Variants in MYO1E observed in about 807,000 individuals in gnomAD.
MYO1E encodes unconventional myosin-Ie.
MYO1E carries 68 observed loss-of-function variants against 151.1 expected under a neutral mutation model. The ratio of observed to expected loss-of-function variants is 0.45; its 90% CI spans 0.37 to 0.55. MYO1E has a LOEUF of 0.55. Ranked by LOEUF, MYO1E falls within the 20% of genes least tolerant of loss-of-function variation. The probability of loss-of-function intolerance (pLI) is 0.00; values close to 1 mark genes in which losing one functional copy is unlikely to be tolerated. For missense variants in MYO1E, 1,363 were observed against 1,389.3 expected, an observed-to-expected ratio of 0.98 and a Z score of 0.30; for synonymous variants, 601 against 501.7, an observed-to-expected ratio of 1.20 and a Z score of -2.64.
rs879179146 is a variant in MYO1E, at chr15:59,136,865, C to T, written c.*515G>A. ...TCAGCAGGCCAGCTTACCCTTGGCA[C>T]GTACATGGGAAGTGCCTGCTCACGC... is the stretch of plus-strand genomic sequence containing the variant. On this transcript the variant is annotated 3_prime_UTR_variant, in exon 28 of 28. Coordinates refer to ENST00000288235, the MANE Select transcript of MYO1E (RefSeq NM_004998.4). 1.6e-5 allele frequency: 7 copies of T among 429,894 alleles called. No homozygotes were observed. Among genetic ancestry groups the T allele is most frequent in the Non-Finnish European group, 2.8e-5 (6 of 212,668 alleles). The allele number at this position is 429,894 out of a possible 1,614,324, so 26.6% of individuals were successfully genotyped here.
Position 59,178,535 on chromosome 15 carries a change from T to C in MYO1E, c.1907A>G (p.Tyr636Cys). 3 of 1,614,120 alleles carry C rather than the reference T, an allele frequency of 1.9e-6. No individual in the cohort carries two copies. Among genetic ancestry groups the C allele is most frequent in the Non-Finnish European group, 2.5e-6 (3 of 1,179,998 alleles). Residue 636 changes from tyrosine (Y) to cysteine (C), a missense_variant and splice_region_variant, in exon 19 of 28, where the codon TAT (tyrosine) becomes TGT (cysteine). Tyr to Cys is a radical substitution (Grantham distance 194). Coordinates refer to ENST00000288235, the MANE Select transcript of MYO1E (RefSeq NM_004998.4). Reference protein sequence around the residue: ...RRIFQKFLQRYAILTKATWPS... With the variant: ...RRIFQKFLQRCAILTKATWPS... ...CCAGGTGGCTTTGGTCAGAATGGCA[T>C]ACCTGTGGGGACATTGGGGAGAAGA...
At chr15:59,288,468 T>C (rs975588366) in intron 1 of MYO1E, among the ~76,000 whole-genome samples, 23 of 152,208 alleles carry the variant, frequency 1.5e-4, no homozygotes, top group Non-Finnish European at 2.9e-4. Flanking sequence ...TGAGCTGTCA[T>C]ACCCAGCCCC....
At chr15:59,341,533 CCTATCT>C (rs2080765906) in intron 1 of MYO1E, 1 of 152,148 alleles carries the variant, frequency 6.6e-6, no homozygotes, top group Non-Finnish European at 1.5e-5. Context: ...CATTCTATTC[CCTATCT>C]CTATGAGTTC....
chr15:59,155,198 C>T (rs185205373), intron 25 of MYO1E, among the ~76,000 whole-genome samples: 2 of 152,324 alleles, frequency 1.3e-5, no homozygotes, highest in African/African-American at 4.8e-5. Flanking sequence ...CCACATGCTG[C>T]TCGAGATCCC....
intron 16 of MYO1E, among the ~76,000 whole-genome samples, chr15:59,197,830 C>G (rs2079777163): frequency 6.6e-6 from 1 of 152,188 alleles, no homozygotes; most frequent in Non-Finnish European, 1.5e-5. Flanking sequence ...CAAAATTATC[C>G]TGTATTTCAA....
chr15:59,191,791 G>T (rs1301725082), intron 17 of MYO1E, among the ~76,000 whole-genome samples: 2 of 152,182 alleles, frequency 1.3e-5, no homozygotes, highest in East Asian at 3.9e-4. Flanking sequence ...CACCTCCTCA[G>T]TAGTCGTTGA....
intron 1 of MYO1E, among the ~76,000 whole-genome samples, chr15:59,319,615 CAG>C (rs1285113787): frequency 7.4e-6 from 1 of 135,738 alleles, no homozygotes; most frequent in African/African-American, 2.8e-5. Flanking sequence ...TAAAAAACCC[CAG>C]AGACAGCCAG....
At chr15:59,372,129 C>T (rs2080949532) in intron 1 of MYO1E, among the ~76,000 whole-genome samples, 1 of 151,224 alleles carries the variant, frequency 6.6e-6, no homozygotes, top group Admixed American at 6.6e-5. Context: ...AGTCTCCGAG[C>T]ACCTCCCCTG....
chr15:59,186,971 T>A (rs1327200258), intron 18 of MYO1E, among the ~76,000 whole-genome samples: 1 of 152,208 alleles, frequency 6.6e-6, no homozygotes, highest in Non-Finnish European at 1.5e-5. Flanking sequence ...AAGGGATATA[T>A]AAAAATAAGT....
intron 1 of MYO1E, among the ~76,000 whole-genome samples, chr15:59,328,083 G>A (rs1434864452): frequency 6.6e-6 from 1 of 152,180 alleles, no homozygotes; most frequent in Non-Finnish European, 1.5e-5. Flanking sequence ...GCTCCATGGT[G>A]GGGGGGTTCC....
At chr15:59,178,256 G>T in intron 19 of MYO1E, 137 bp downstream of exon 19, 1 of 1,087,542 alleles carries the variant, frequency 9.2e-7, no homozygotes, top group Non-Finnish European at 1.3e-6. Context: ...ACCAGGAAGG[G>T]AGGGAAGGCT....
Position 59,137,078 on chromosome 15 carries a change from G to A in MYO1E, c.*302C>T. ...GTGCTGTTTTGATAGAAGCCTACAAGGTCTGAGCAGACCTCACTTGTCCTC... is the reference window on the plus strand; with the variant it reads ...GTGCTGTTTTGATAGAAGCCTACAAAGTCTGAGCAGACCTCACTTGTCCTC... On this transcript the variant is annotated 3_prime_UTR_variant, in exon 28 of 28. Coordinates refer to ENST00000288235, the MANE Select transcript of MYO1E (RefSeq NM_004998.4). 2.3e-6 allele frequency: 1 copy of A among 438,032 alleles called. No homozygotes were observed. The highest frequency in any genetic ancestry group is 4.3e-6 in the Non-Finnish European group (1 of 233,602). 27.1% of individuals were successfully genotyped at this position (438,032 alleles called of 1,614,324 possible).
chr15:59,206,078 CAACTT>C (rs1321244613), intron 14 of MYO1E, among the ~76,000 whole-genome samples: 3 of 152,024 alleles, frequency 2.0e-5, no homozygotes, highest in African/African-American at 7.3e-5. Flanking sequence ...ACCACGACCT[CAACTT>C]AACTTTTTTA....
rs1178311263 is a variant in MYO1E at position 59,217,899 on chromosome 15, A to G, written c.1099T>C (p.Leu367=). ...KALHARVFDF[L]VDSINKAMEK... ...CAACTTCTGTTACTTACATCTACCA[A>G]GAAATCAAAGACCCGGGCGTGCAGG... The change falls in exon 10 of 28, where the codon TTG becomes CTG. Residue 367 remains leucine (L), a synonymous_variant. Transcript: ENST00000288235. 1.9e-6 allele frequency: 3 copies of G among 1,614,024 alleles called. No homozygotes were observed. Among genetic ancestry groups the G allele is most frequent in the African/African-American group, 2.7e-5 (2 of 74,922 alleles).
At chr15:59,303,653 C>T (rs2080496931) in intron 1 of MYO1E, among the ~76,000 whole-genome samples, 2 of 152,106 alleles carry the variant, frequency 1.3e-5, no homozygotes, top group African/African-American at 4.8e-5. Context: ...CAGCATAATC[C>T]CACAGCGAGA....
chr15:59,275,608 G>A (rs988275689), intron 1 of MYO1E, among the ~76,000 whole-genome samples: 2 of 152,138 alleles, frequency 1.3e-5, no homozygotes, highest in Non-Finnish European at 2.9e-5. Context: ...TCCTCACTAT[G>A]CATTTATTCT....
rs202099657 is a variant in MYO1E at position 59,332,751 on chromosome 15, T to TCA, written c.3+39745_3+39746dup. Among the ~76,000 whole-genome samples the TCA allele has an allele frequency of 2.8e-3, 431 of 152,190 alleles. 2 individuals are homozygous for TCA. The highest frequency in any genetic ancestry group is 1.0e-2 in the African/African-American group (415 of 41,526). ...AATTTAATTTTTTAGAGACGAGGTC[T>TCA]CACTATGCTGTCCAGGCTGGTCTCA... On this transcript the variant is annotated intron_variant, in intron 1 of 27. Coordinates refer to ENST00000288235, the MANE Select transcript of MYO1E (RefSeq NM_004998.4).
At chr15:59,219,092 A>G (rs2079937940) in intron 9 of MYO1E, among the ~76,000 whole-genome samples, 3 of 152,146 alleles carry the variant, frequency 2.0e-5, no homozygotes. Flanking sequence ...AGGGGATGGT[A>G]TTGTTCATAT....
At position 59,133,369 on chromosome 15, in the gene MYO1E, C is replaced by T. The variant is rs577869917; in HGVS notation, c.*4011G>A. On this transcript the variant is annotated 3_prime_UTR_variant, in exon 28 of 28. Transcript: ENST00000288235. ...TCTGGGTGACAAAGTGAGGTGCTGT[C>T]TGAAAATAAAAACGCACAGGCCTTT... The T allele has an allele frequency of 9.9e-5, 15 of 152,086 alleles. No individual in the cohort carries two copies. Among genetic ancestry groups the T allele is most frequent in the African/African-American group, 3.1e-4 (13 of 41,472 alleles). 9.4% of individuals were successfully genotyped at this position (152,086 alleles called of 1,614,324 possible). A position where few individuals can be genotyped will look rare whatever the true frequency, so the allele number is the denominator to read the frequency against.
Sources: allele counts gnomAD v4.1 joint callset (sites outside exome capture counted in the v4.1 genomes callset), GRCh38; gene constraint gnomAD v4.1.1; transcripts MANE v1.5; gene names NCBI Gene and HGNC (gene_info 2026-07-23, HGNC 2026-07-21).